The following PLB1 variants were observed in gnomAD, a reference collection of about 807,000 sequenced individuals.
PLB1 encodes phospholipase B1, membrane-associated.
PLB1 carries 242 observed loss-of-function variants against 227.4 expected under a neutral mutation model. That is an observed-to-expected ratio of 1.06 (90% CI 0.96 to 1.18). The LOEUF is 1.18. Among genes scored for constraint, PLB1 ranks in the 50% most tolerant of loss-of-function variants. PLB1 has a pLI of 0.00. For missense variants in PLB1, 1,858 were observed against 1,816.3 expected, an observed-to-expected ratio of 1.02 and a Z score of -0.42; for synonymous variants, 757 against 682.2, an observed-to-expected ratio of 1.11 and a Z score of -1.71.
chr2:28,578,203 CAG>C, intron 22 of PLB1, 45 bp downstream of exon 22: 1 of 1,581,492 alleles, frequency 6.3e-7, no homozygotes, highest in African/African-American at 1.3e-5. Flanking sequence ...TCCCTGGACA[CAG>C]AGAAGATCAG....
chr2:28,564,787 G>A (rs1005141529), intron 18 of PLB1, among the ~76,000 whole-genome samples: 10 of 152,182 alleles, frequency 6.6e-5, no homozygotes, highest in African/African-American at 1.9e-4. Flanking sequence ...CAAGGGACAC[G>A]CACCTGGAGA....
chr2:28,549,496 A>G lies in PLB1; in HGVS notation c.1009-514A>G, dbSNP rs1443263615. ...AGTGGCACAATCTTGGCTCACTGCA[A>G]CCTCTGCCTCCCGGGTTCAAGCGAT... is the stretch of plus-strand genomic sequence containing the variant. On this transcript the variant is annotated intron_variant, in intron 15 of 57. Transcript: ENST00000327757. 3.1e-5 allele frequency among the ~76,000 whole-genome samples: 4 copies of G among 129,696 alleles called. No individual in the cohort carries two copies. In the East Asian group the frequency reaches 7.1e-4, roughly 23 times the overall value. The allele number at this position is 129,696 out of a possible 152,430, so 85.1% of individuals were successfully genotyped here. A position where few individuals can be genotyped will look rare whatever the true frequency, so the allele number is the denominator to read the frequency against.
rs189866252 is a variant in PLB1 at position 28,581,836 on chromosome 2, C to G, written c.1567-232C>G. ...ATTAGCCAGGTGTGGTGGCACGCAC[C>G]CATGGTCCCAGTTACTTGGGAGGCT... On this transcript the variant is annotated intron_variant, in intron 23 of 57. Transcript: ENST00000327757. Among the ~76,000 whole-genome samples, 231 of 152,072 alleles carry G rather than the reference C, an allele frequency of 1.5e-3. 1 individual carries two copies. Among genetic ancestry groups the G allele is most frequent in the African/African-American group, 4.9e-3 (204 of 41,468 alleles).
intron 32 of PLB1, 25 bp downstream of exon 32, chr2:28,592,744 G>T: frequency 1.9e-6 from 3 of 1,612,046 alleles, no homozygotes; most frequent in Middle Eastern, 1.7e-4. Context: ...GCCCCAGGTG[G>T]TTTGGGGATA....
intron 57 of PLB1, 95 bp from the exon 58 acceptor site, chr2:28,642,763 C>T (rs1044728856): frequency 7.4e-6 from 8 of 1,081,422 alleles, no homozygotes; most frequent in Non-Finnish European, 1.1e-5. Context: ...GCAGGGTTAT[C>T]GCAGCATCTC....
intron 30 of PLB1, 73 bp downstream of exon 30, chr2:28,591,244 C>T: frequency 6.3e-7 from 1 of 1,580,920 alleles, no homozygotes; most frequent in South Asian, 1.1e-5. Flanking sequence ...ACAGGCCCAA[C>T]AGGACAGGGT....
intron 20 of PLB1, among the ~76,000 whole-genome samples, chr2:28,572,678 A>G (rs1032722740): frequency 2.6e-5 from 4 of 152,186 alleles, no homozygotes; most frequent in Non-Finnish European, 5.9e-5. Context: ...ATGTGATTTC[A>G]TTCATATGAA....
intron 57 of PLB1, among the ~76,000 whole-genome samples, chr2:28,642,572 T>C (rs1447477217): frequency 6.6e-6 from 1 of 152,204 alleles, no homozygotes; most frequent in Non-Finnish European, 1.5e-5. Flanking sequence ...CTCTCTGCCA[T>C]TGGTCACCTA....
intron 9 of PLB1, among the ~76,000 whole-genome samples, chr2:28,536,942 G>C (rs2148201494): frequency 6.6e-6 from 1 of 152,254 alleles, no homozygotes; most frequent in East Asian, 1.9e-4. Flanking sequence ...AGCCACACAG[G>C]GTCCCCCGCC....
At position 28,511,867 on chromosome 2, in the gene PLB1, C is replaced by G. The variant is rs1572669619; in HGVS notation, c.56-4941C>G. Among the ~76,000 whole-genome samples, 3 of 149,546 alleles carry G rather than the reference C, an allele frequency of 2.0e-5. No homozygotes were observed. The East Asian group carries it at 5.9e-4, about 29-fold the overall frequency. On this transcript the variant is annotated intron_variant, in intron 1 of 57. Coordinates refer to ENST00000327757, the MANE Select transcript of PLB1 (RefSeq NM_153021.5). ...TGGCATGATCTTGGCTCACTGCAAT[C>G]TCTGCCTCCTGGGTTCAAGTAATTC...
intron 12 of PLB1, among the ~76,000 whole-genome samples, chr2:28,540,870 C>T (rs1672383303): frequency 6.6e-6 from 1 of 152,120 alleles, no homozygotes; most frequent in South Asian, 2.1e-4. Flanking sequence ...ACAGAAGAGA[C>T]CCCAAGAGAG....
intron 11 of PLB1, 140 bp from the exon 12 acceptor site, chr2:28,540,226 C>G (rs1001862954): frequency 1.5e-6 from 1 of 682,632 alleles, no homozygotes; most frequent in African/African-American, 1.8e-5. Flanking sequence ...ACATTTATGT[C>G]CTCTAAGACT....
At chr2:28,565,782 C>G (rs1422910220) in intron 19 of PLB1, among the ~76,000 whole-genome samples, 5 of 152,196 alleles carry the variant, frequency 3.3e-5, no homozygotes, top group African/African-American at 1.2e-4. Context: ...ATCTCTGATG[C>G]AGAAATAATG....
intron 16 of PLB1, among the ~76,000 whole-genome samples, chr2:28,550,425 C>A (rs1674046424): frequency 6.6e-6 from 1 of 151,970 alleles, no homozygotes; most frequent in African/African-American, 2.4e-5. Context: ...ATCTGCCTGC[C>A]TCAGCCTCCC....
chr2:28,532,007 A>G (rs1671077134), intron 8 of PLB1, 101 bp from the exon 9 acceptor site: 2 of 886,224 alleles, frequency 2.3e-6, no homozygotes, highest in Non-Finnish European at 3.5e-6. Context: ...TGAGTTTTTC[A>G]GGGATGGGTG....
intron 9 of PLB1, among the ~76,000 whole-genome samples, chr2:28,533,317 T>C (rs1671264968): frequency 6.6e-6 from 1 of 152,210 alleles, no homozygotes; most frequent in Non-Finnish European, 1.5e-5. Flanking sequence ...TTTTAGCATA[T>C]AGATAATGAA....
rs370140401 is a variant in PLB1, at chr2:28,580,959, A to G, written c.1567-1109A>G. Among the ~76,000 whole-genome samples, 84 of 152,234 alleles carry G rather than the reference A, an allele frequency of 5.5e-4. 3 individuals carry two copies. In the South Asian group the frequency reaches 0.017, roughly 30 times the overall value. Reference sequence around the variant, plus strand: ...AACCCACTTTCTTGGCATCAAAGTCACCAGGAGTCAGGAGTTTTCAAGCTG... The same window carrying G: ...AACCCACTTTCTTGGCATCAAAGTCGCCAGGAGTCAGGAGTTTTCAAGCTG... On this transcript the variant is annotated intron_variant, in intron 23 of 57. Transcript: ENST00000327757.
intron 1 of PLB1, among the ~76,000 whole-genome samples, chr2:28,496,621 C>T (rs1666473740): frequency 6.6e-6 from 1 of 152,096 alleles, no homozygotes; most frequent in Non-Finnish European, 1.5e-5. Context: ...GACAGATTTC[C>T]AGATGATAAA....
intron 9 of PLB1, among the ~76,000 whole-genome samples, chr2:28,536,716 C>T (rs1671732016): frequency 6.6e-6 from 1 of 152,126 alleles, no homozygotes; most frequent in East Asian, 1.9e-4. Flanking sequence ...CAGCTTTTTC[C>T]TGACTTTGGG....
Sources: allele counts gnomAD v4.1 joint callset (sites outside exome capture counted in the v4.1 genomes callset), GRCh38; gene constraint gnomAD v4.1.1; transcripts MANE v1.5; gene names NCBI Gene and HGNC (gene_info 2026-07-23, HGNC 2026-07-21).